The following TNFRSF9 variants were observed in gnomAD, a reference collection of about 807,000 sequenced individuals.
TNFRSF9 encodes tumor necrosis factor receptor superfamily member 9.
Under a neutral mutation model 28.8 loss-of-function variants are expected in TNFRSF9, and 16 were observed. The ratio of observed to expected loss-of-function variants is 0.55; its 90% confidence interval spans 0.38 to 0.84. The LOEUF (loss-of-function observed/expected upper bound fraction) is 0.84, where lower values mean the gene tolerates loss of function less well. TNFRSF9 is among the 40% of genes least tolerant of loss of function. TNFRSF9 has a pLI of 0.00. For missense variants in TNFRSF9, 303 were observed against 315.0 expected, an observed-to-expected ratio of 0.96 and a Z score of 0.29; for synonymous variants, 131 against 117.0, an observed-to-expected ratio of 1.12 and a Z score of -0.77.
rs1351707524 is a variant in TNFRSF9 at position 7,917,926 on chromosome 1, T to A, written c.*2909A>T. The A allele has an allele frequency of 6.7e-6, 1 of 148,454 alleles. No homozygotes were observed. The highest frequency in any genetic ancestry group is 1.5e-5 in the Non-Finnish European group (1 of 67,592). 9.2% of individuals were successfully genotyped at this position (148,454 alleles called of 1,614,324 possible). ...AAATAAAAAAGAATTTTATAAAAAA[T>A]TTTAAAAAGGGAAAAATAAATTACA... On this transcript the variant is annotated 3_prime_UTR_variant, in exon 8 of 8. Coordinates refer to ENST00000377507, the MANE Select transcript of TNFRSF9 (RefSeq NM_001561.6).
chr1:7,933,432 T>A, intron 6 of TNFRSF9, 136 bp from the exon 7 acceptor site: 1 of 1,105,116 alleles, frequency 9.0e-7, no homozygotes, highest in Non-Finnish European at 1.3e-6. Flanking sequence ...GCTAATGGAG[T>A]AAACTTAGAA....
In TNFRSF9 at chr1:7,940,024, C is replaced by T; in HGVS notation, c.-30G>A. The T allele has an allele frequency of 6.8e-7, 1 of 1,474,762 alleles. No individual in the cohort carries two copies. Among genetic ancestry groups the T allele is most frequent in the Non-Finnish European group, 9.4e-7 (1 of 1,061,816 alleles). The allele number at this position is 1,474,762 out of a possible 1,614,324, so 91.4% of individuals were successfully genotyped here. ...AAATCTGGCACAGGTATGATACTAG[C>T]AAAGCTGATTCCAAGAGAATTTTAA... On this transcript the variant is annotated 5_prime_UTR_variant, in exon 2 of 8. Transcript: ENST00000377507.
In TNFRSF9 at chr1:7,933,075, C is replaced by G. The variant is rs1305486636; in HGVS notation, c.679+87G>C. The G allele has an allele frequency of 3.4e-6, 5 of 1,489,532 alleles. No individual in the cohort carries two copies. The African/African-American group carries it at 7.1e-5, about 21-fold the overall frequency. The allele number at this position is 1,489,532 out of a possible 1,614,324, so 92.3% of individuals were successfully genotyped here. A position where few individuals can be genotyped will look rare whatever the true frequency, so the allele number is the denominator to read the frequency against. Reference sequence around the variant, plus strand: ...CCACGGGGCTATATGAACCTCATTTCTAGAATTTTTTTTAAAATCATATTT... The same window carrying G: ...CCACGGGGCTATATGAACCTCATTTGTAGAATTTTTTTTAAAATCATATTT... On this transcript the variant is annotated intron_variant, in intron 7 of 7. Transcript: ENST00000377507.
intron 2 of TNFRSF9, 57 bp from the exon 3 acceptor site, chr1:7,938,885 G>A: frequency 2.5e-6 from 3 of 1,222,686 alleles, no homozygotes; most frequent in South Asian, 1.4e-5. Context: ...GTCACCCAAG[G>A]CATTCCGAAG....
Position 7,933,296 on chromosome 1 carries a change from C to T in TNFRSF9, c.545G>A (p.Gly182Glu). The T allele has an allele frequency of 1.2e-6, 2 of 1,611,990 alleles. No homozygotes were observed. Among genetic ancestry groups the T allele is most frequent in the Admixed American group, 3.4e-5 (2 of 59,456 alleles). ...GAAGGAGATGATCTGCGGAGAGTGTCCTGCAAAACACAGCAAAAGGAGAAA... is the reference window on the plus strand; with the variant it reads ...GAAGGAGATGATCTGCGGAGAGTGTTCTGCAAAACACAGCAAAAGGAGAAA... Reference protein sequence around the residue: ...VTPPAPAREPGHSPQIISFFL... With the variant: ...VTPPAPAREPEHSPQIISFFL... Residue 182 changes from glycine to glutamate, a missense_variant and splice_region_variant, in exon 7 of 8, where the codon GGA becomes GAA. By Grantham distance (98) the Gly-to-Glu change is moderately conservative. Transcript: ENST00000377507.
intron 7 of TNFRSF9, among the ~76,000 whole-genome samples, chr1:7,923,192 C>T (rs1189267618): frequency 6.6e-6 from 1 of 152,156 alleles, no homozygotes; most frequent in East Asian, 1.9e-4. Context: ...TGAGCCACCA[C>T]ACCTGGTCCA....
chr1:7,937,940 G>A (rs1449532828), intron 4 of TNFRSF9, among the ~76,000 whole-genome samples, 184 bp from the exon 5 acceptor site: 1 of 152,118 alleles, frequency 6.6e-6, no homozygotes, highest in African/African-American at 2.4e-5. Flanking sequence ...TATTGTATAT[G>A]TCTGGAACAT....
chr1:7,934,717 A>AAAAAG lies in TNFRSF9; in HGVS notation c.544+291_544+295dup, dbSNP rs747047089. On this transcript the variant is annotated intron_variant, in intron 6 of 7. Transcript: ENST00000377507. ...GCAAGACACTCTCTTAAAAACAAAA[A>AAAAAG]AAAAGAAAAGAAAAGAAAAGAAAAA... is the stretch of plus-strand genomic sequence containing the variant. 2.1e-4 allele frequency among the ~76,000 whole-genome samples: 32 copies of AAAAAG among 152,230 alleles called. No individual in the cohort carries two copies. In the East Asian group the frequency reaches 3.9e-3, roughly 18 times the overall value.
At chr1:7,939,355 AC>A (rs1639868485) in intron 2 of TNFRSF9, among the ~76,000 whole-genome samples, 1 of 151,952 alleles carries the variant, frequency 6.6e-6, no homozygotes, top group South Asian at 2.1e-4. Context: ...CACAAAAAAA[AC>A]AAAAAAACCA....
intron 7 of TNFRSF9, among the ~76,000 whole-genome samples, chr1:7,929,251 C>T (rs753732240): frequency 3.3e-5 from 5 of 150,300 alleles, no homozygotes; most frequent in Non-Finnish European, 5.9e-5. Flanking sequence ...CTGCAACCTC[C>T]GCCTCCCAGG....
chr1:7,933,766 T>C (rs9657984), intron 6 of TNFRSF9, among the ~76,000 whole-genome samples: 5 of 151,800 alleles, frequency 3.3e-5, no homozygotes, highest in Non-Finnish European at 5.9e-5. Context: ...CCTGTAATCC[T>C]AGCACTTTGG....
chr1:7,921,583 G>A lies in TNFRSF9; in HGVS notation c.680-660C>T, dbSNP rs377280187. Among the ~76,000 whole-genome samples, 8 of 151,866 alleles carry A rather than the reference G, an allele frequency of 5.3e-5. No individual in the cohort carries two copies. In the East Asian group the frequency reaches 9.7e-4, roughly 18 times the overall value. ...ACTCGGGAGGCTGAGGCAGAGAATCGCCTGAACCTGGGAGGTGGAGGTTGC... is the reference window on the plus strand; with the variant it reads ...ACTCGGGAGGCTGAGGCAGAGAATCACCTGAACCTGGGAGGTGGAGGTTGC... On this transcript the variant is annotated intron_variant, in intron 7 of 7. Transcript: ENST00000377507.
At position 7,935,081 on chromosome 1, in the gene TNFRSF9, C is replaced by T. The variant is rs777538728; in HGVS notation, c.476G>A (p.Gly159Glu). 1 of 1,614,228 alleles carries T rather than the reference C, an allele frequency of 6.2e-7. No individual in the cohort carries two copies. Among genetic ancestry groups the T allele is most frequent in the Non-Finnish European group, 8.5e-7 (1 of 1,180,040 alleles). Residue 159 changes from glycine (G) to glutamate (E), a missense_variant, in exon 6 of 8, where the codon GGA becomes GAA. Transcript: ENST00000377507. ...CGGAGAGAGGTCGGCTGGAGATGGTCCACAGACCACGTCCCTCTCCTTCGT... is the reference window on the plus strand; with the variant it reads ...CGGAGAGAGGTCGGCTGGAGATGGTTCACAGACCACGTCCCTCTCCTTCGT... Reference protein sequence around the residue: ...NGTKERDVVCGPSPADLSPGA... With the variant: ...NGTKERDVVCEPSPADLSPGA...
chr1:7,923,784 G>A (rs1050481269), intron 7 of TNFRSF9, among the ~76,000 whole-genome samples: 1 of 152,134 alleles, frequency 6.6e-6, no homozygotes, highest in Non-Finnish European at 1.5e-5. Flanking sequence ...GCTGCATTGA[G>A]GCGTGATCAT....
intron 7 of TNFRSF9, among the ~76,000 whole-genome samples, chr1:7,923,246 A>G (rs996746090): frequency 3.3e-5 from 5 of 152,150 alleles, no homozygotes; most frequent in Non-Finnish European, 7.4e-5. Context: ...AAAACACCAC[A>G]AAAAACACCG....
Position 7,935,114 on chromosome 1 carries a change from A to T in TNFRSF9, c.443T>A (p.Val148Glu). Reference protein sequence around the residue: ...NCSLDGKSVLVNGTKERDVVC... With the variant: ...NCSLDGKSVLENGTKERDVVC... ...CACGTCCCTCTCCTTCGTCCCATTCACAAGCACAGACTTTCCATCCAAAGA... is the reference window on the plus strand; with the variant it reads ...CACGTCCCTCTCCTTCGTCCCATTCTCAAGCACAGACTTTCCATCCAAAGA... Residue 148 changes from valine (V) to glutamate (E), a missense_variant, in exon 6 of 8, where the codon GTG (valine) becomes GAG (glutamate). Transcript: ENST00000377507. 2 of 1,614,210 alleles carry T rather than the reference A, an allele frequency of 1.2e-6. No individual in the cohort carries two copies. Among genetic ancestry groups the T allele is most frequent in the East Asian group, 4.5e-5 (2 of 44,886 alleles).
intron 5 of TNFRSF9, among the ~76,000 whole-genome samples, chr1:7,937,264 G>C (rs189155550): frequency 2.0e-4 from 30 of 152,276 alleles, no homozygotes; most frequent in Middle Eastern, 3.4e-3. Flanking sequence ...CCCAGACTCA[G>C]GTGATCCTCC....
chr1:7,933,479 G>A (rs947555748), intron 6 of TNFRSF9, among the ~76,000 whole-genome samples, 183 bp from the exon 7 acceptor site: 7 of 152,204 alleles, frequency 4.6e-5, no homozygotes, highest in Admixed American at 4.6e-4. Context: ...GCTCACGCCT[G>A]TAATCCCAAC....
chr1:7,917,975 T>G lies in TNFRSF9; in HGVS notation c.*2860A>C, dbSNP rs201013776. On this transcript the variant is annotated 3_prime_UTR_variant, in exon 8 of 8. Transcript: ENST00000377507. ...CAAAGGATATATATATATATATATA[T>G]AGATATAGATAGATAGATAGATAGA... 2 of 141,470 alleles carry G rather than the reference T, an allele frequency of 1.4e-5. No individual in the cohort carries two copies. Among genetic ancestry groups the G allele is most frequent in the Non-Finnish European group, 3.0e-5 (2 of 67,086 alleles). The allele number at this position is 141,470 out of a possible 1,614,324, so 8.8% of individuals were successfully genotyped here.
Sources: gnomAD v4.1 joint callset for allele counts (sites outside exome capture counted in the v4.1 genomes callset) on GRCh38, gnomAD v4.1.1 for gene constraint, MANE v1.5 for transcripts, NCBI Gene and HGNC (gene_info 2026-07-23, HGNC 2026-07-21) for gene names.